EPHA10: variants seen among roughly 807,000 people sequenced by gnomAD.
EPHA10 encodes the protein ephrin type-A receptor 10.
A neutral mutation model predicts 109.7 loss-of-function variants in EPHA10; 120 were observed. The ratio of observed to expected loss-of-function variants is 1.09; its 90% CI spans 0.94 to 1.27. The LOEUF (loss-of-function observed/expected upper bound fraction) is 1.27. EPHA10 is among the 50% of genes most tolerant of loss of function. The pLI, the probability that EPHA10 is intolerant of heterozygous loss-of-function variation, is 0.00. For missense variants in EPHA10, 1,396 were observed against 1,411.1 expected (o/e 0.99, Z 0.17); for synonymous variants, 640 against 618.9 (o/e 1.03, Z -0.51).
intron 5 of EPHA10, among the ~76,000 whole-genome samples, chr1:37,743,520 C>T (rs1646186163): frequency 6.6e-6 from 1 of 152,152 alleles, no homozygotes. Context: ...AAATGAACCC[C>T]TCTCAGTCTT....
At chr1:37,715,895 CT>C (rs780308302), downstream of EPHA10, 2 of 562,388 alleles carry the variant, frequency 3.6e-6, no homozygotes, top group Admixed American at 1.9e-5. Context: ...CTGGACACCC[CT>C]GTCCTCGAGG....
At chr1:37,755,211 G>A (rs1646383344) in intron 3 of EPHA10, among the ~76,000 whole-genome samples, 1 of 152,154 alleles carries the variant, frequency 6.6e-6, no homozygotes, top group Non-Finnish European at 1.5e-5. Flanking sequence ...ACCACCCTCA[G>A]GACCACTGGA....
In EPHA10 at chr1:37,746,392, G is replaced by A. The variant is rs115749372; in HGVS notation, c.1357+6484C>T. Among the ~76,000 whole-genome samples, 658 of 151,892 alleles carry A rather than the reference G, an allele frequency of 4.3e-3. 3 individuals are homozygous for A. Among genetic ancestry groups the A allele is most frequent in the Non-Finnish European group, 5.8e-3 (395 of 67,916 alleles). The stretch of plus-strand genomic sequence containing the variant: ...GATTACAGGCGTGAGCCACCACACC[G>A]GGTAGTGTCTCTCCCTTTTCTTATA... On this transcript the variant is annotated intron_variant, in intron 5 of 16. Transcript: ENST00000373048.
Position 37,752,857 on chromosome 1 carries a change from G to A in EPHA10, c.1357+19C>T, listed in dbSNP as rs916296871. On this transcript the variant is annotated intron_variant, in intron 5 of 16. Coordinates refer to ENST00000373048, the MANE Select transcript of EPHA10 (RefSeq NM_001099439.2). The stretch of plus-strand genomic sequence containing the variant: ...GGCAGGCGCGGTGGCCTCGGGGTGG[G>A]GGGCGCGGACGGCCTTACCCCCGGG... 2.4e-6 allele frequency: 3 copies of A among 1,256,912 alleles called. No individual in the cohort carries two copies. Among genetic ancestry groups the A allele is most frequent in the African/African-American group, 1.6e-5 (1 of 63,970 alleles). The allele number at this position is 1,256,912 out of a possible 1,614,324, so 77.9% of individuals were successfully genotyped here. A position where few individuals can be genotyped will look rare whatever the true frequency, so the allele number is the denominator to read the frequency against.
chr1:37,728,495 G>C (rs773035610), intron 7 of EPHA10, among the ~76,000 whole-genome samples: 1 of 152,234 alleles, frequency 6.6e-6, no homozygotes, highest in Non-Finnish European at 1.5e-5. Flanking sequence ...AGATTGGAAA[G>C]TACACCTCTT....
chr1:37,749,067 T>G (rs1646283692), intron 5 of EPHA10, among the ~76,000 whole-genome samples: 1 of 151,650 alleles, frequency 6.6e-6, no homozygotes, highest in Non-Finnish European at 1.5e-5. Flanking sequence ...GGATTACAGG[T>G]GTGCACCACC....
intron 3 of EPHA10, among the ~76,000 whole-genome samples, chr1:37,756,141 G>A (rs765312120): frequency 5.9e-5 from 9 of 152,276 alleles, no homozygotes; most frequent in South Asian, 4.1e-4. Flanking sequence ...AACTATCCCC[G>A]TGGTCTGGTG....
Position 37,731,598 on chromosome 1 carries a change from G to T in EPHA10, c.1492-16C>A, listed in dbSNP as rs1485931956. ...CACTCTGACCCTGGAGAGAGATCAAGAAGTGAAGCCCACCAGCGCCAGATC... is the reference window on the plus strand; with the variant it reads ...CACTCTGACCCTGGAGAGAGATCAATAAGTGAAGCCCACCAGCGCCAGATC... On this transcript the variant is annotated splice_polypyrimidine_tract_variant and intron_variant, in intron 6 of 16. Coordinates refer to ENST00000373048, the MANE Select transcript of EPHA10 (RefSeq NM_001099439.2). The T allele has an allele frequency of 1.3e-6, 2 of 1,589,606 alleles. No homozygotes were observed. The highest frequency in any genetic ancestry group is 2.7e-5 in the African/African-American group (2 of 74,044).
chr1:37,722,031 T>C (rs920279388), intron 10 of EPHA10, 186 bp from the exon 11 acceptor site: 4 of 539,528 alleles, frequency 7.4e-6, no homozygotes, highest in Middle Eastern at 5.7e-4. Flanking sequence ...CTTGAGAAGC[T>C]GAGGCAGGAA....
Position 37,731,602 on chromosome 1 carries a change from T to C in EPHA10, c.1492-20A>G, listed in dbSNP as rs188435053. On this transcript the variant is annotated intron_variant, in intron 6 of 16. Transcript: ENST00000373048. The stretch of plus-strand genomic sequence containing the variant: ...CTGACCCTGGAGAGAGATCAAGAAG[T>C]GAAGCCCACCAGCGCCAGATCCACT... 2,850 of 1,585,232 alleles carry C rather than the reference T, an allele frequency of 1.8e-3. 3 individuals are homozygous for C. The highest frequency in any genetic ancestry group is 2.1e-3 in the Non-Finnish European group (2,449 of 1,163,774).
rs771950709 is a variant in EPHA10 at position 37,720,375 on chromosome 1, T to C, written c.2388A>G (p.Arg796=). ...ISGFGRGPRD[R]SEAVYTTMSG... ...CCATAGTGGTGTAGACAGCCTCTGA[T>C]CGGTCCCGGGGGCCCCGCCCGAAGC... is the stretch of plus-strand genomic sequence containing the variant. Residue 796 remains arginine (R), a synonymous_variant, in exon 13 of 17, where the codon CGA becomes CGG. Transcript: ENST00000373048. The C allele has an allele frequency of 5.0e-6, 8 of 1,611,222 alleles. No homozygotes were observed. Among genetic ancestry groups the C allele is most frequent in the Non-Finnish European group, 6.8e-6 (8 of 1,179,416 alleles).
chr1:37,751,930 A>G (rs1442363484), intron 5 of EPHA10, among the ~76,000 whole-genome samples: 1 of 152,178 alleles, frequency 6.6e-6, no homozygotes, highest in Admixed American at 6.5e-5. Context: ...TTATTCTAAC[A>G]TCCGTGTGCA....
Position 37,720,470 on chromosome 1 carries a change from C to T in EPHA10, c.2293G>A (p.Gly765Ser), listed in dbSNP as rs756810758. The T allele has an allele frequency of 3.7e-6, 6 of 1,613,550 alleles. No homozygotes were observed. The Middle Eastern group carries it at 5.0e-4, about 133-fold the overall frequency. Residue 765 changes from glycine to serine, a missense_variant, in exon 13 of 17, where the codon GGC (glycine) becomes AGC (serine). Coordinates refer to ENST00000373048, the MANE Select transcript of EPHA10 (RefSeq NM_001099439.2). ...ASAMKYLSEMGYVHRGLAARH... is the reference protein window; with the variant it reads ...ASAMKYLSEMSYVHRGLAARH... ...GCTGCCAGGCCCCGGTGAACGTAGCCCATCTCTGACAGATACTTCATGGCT... is the reference window on the plus strand; with the variant it reads ...GCTGCCAGGCCCCGGTGAACGTAGCTCATCTCTGACAGATACTTCATGGCT...
chr1:37,752,998 A>G lies in EPHA10; in HGVS notation c.1235T>C (p.Leu412Pro). Residue 412 changes from leucine to proline, a missense_variant, in exon 5 of 17, where the codon CTG becomes CCG. Leu to Pro is a moderately conservative substitution (Grantham distance 98). Coordinates refer to ENST00000373048, the MANE Select transcript of EPHA10 (RefSeq NM_001099439.2). ...QAGLRERAATLLHLRPGARYT... is the reference protein window; with the variant it reads ...QAGLRERAATPLHLRPGARYT... The stretch of plus-strand genomic sequence containing the variant: ...GCGCGCGCCGGGCCGCAGGTGCAGC[A>G]GCGTGGCGGCTCGCTCCCGCAGCCC... The G allele has an allele frequency of 8.1e-7, 1 of 1,235,264 alleles. No individual in the cohort carries two copies. The highest frequency in any genetic ancestry group is 1.0e-6 in the Non-Finnish European group (1 of 990,138). 76.5% of individuals were successfully genotyped at this position (1,235,264 alleles called of 1,614,324 possible).
Position 37,716,488 on chromosome 1 carries a change from C to G in EPHA10, c.*1884G>C, listed in dbSNP as rs528465328. On this transcript the variant is annotated 3_prime_UTR_variant, in exon 17 of 17. Transcript: ENST00000373048. ...CCAACCCTGACTAAGGTGGTAGCAA[C>G]ATCTTGGTCTCCCCAGTACCCCCAG... 9.4e-5 allele frequency: 22 copies of G among 233,092 alleles called. No individual in the cohort carries two copies. Among genetic ancestry groups the G allele is most frequent in the Admixed American group, 5.1e-4 (9 of 17,772 alleles). The allele number at this position is 233,092 out of a possible 1,614,324, so 14.4% of individuals were successfully genotyped here.
chr1:37,720,445 G>T lies in EPHA10; in HGVS notation c.2318C>A (p.Ala773Asp). Residue 773 changes from alanine (A) to aspartate (D), a missense_variant, in exon 13 of 17, where the codon GCT becomes GAT. Transcript: ENST00000373048. ...GTCGCTGCTGACCAGCACATGGCGA[G>T]CTGCCAGGCCCCGGTGAACGTAGCC... The part of the protein sequence containing the change: ...EMGYVHRGLA[A>D]RHVLVSSDLV... 1 of 1,613,616 alleles carries T rather than the reference G, an allele frequency of 6.2e-7. No individual in the cohort carries two copies. The highest frequency in any genetic ancestry group is 8.5e-7 in the Non-Finnish European group (1 of 1,180,018).
chr1:37,760,662 C>A, intron 3 of EPHA10: 1 of 217,460 alleles, frequency 4.6e-6, no homozygotes, highest in East Asian at 6.9e-5. Context: ...GAGGAGACCT[C>A]ATGATGTCAT....
At chr1:37,720,083 C>T (rs1326870728) in intron 13 of EPHA10, 25 bp from the exon 14 acceptor site, 1 of 1,611,680 alleles carries the variant, frequency 6.2e-7, no homozygotes, top group Non-Finnish European at 8.5e-7. Flanking sequence ...AGGTCAGGGG[C>T]AAGGAGGAAC....
chr1:37,727,040 C>T, intron 8 of EPHA10, 62 bp downstream of exon 8: 1 of 1,339,870 alleles, frequency 7.5e-7, no homozygotes, highest in Non-Finnish European at 1.0e-6. Context: ...CCTGTGAGCA[C>T]ACATTAATGT....
Sources: allele counts gnomAD v4.1 joint callset (sites outside exome capture counted in the v4.1 genomes callset), GRCh38; gene constraint gnomAD v4.1.1; transcripts MANE v1.5; gene names NCBI Gene and HGNC (gene_info 2026-07-23, HGNC 2026-07-21).